CREB1: variants seen among roughly 807,000 people sequenced by gnomAD.
CREB1 encodes cyclic AMP-responsive element-binding protein 1.
A neutral mutation model predicts 42.0 loss-of-function variants in CREB1; 2 were observed. The observed-to-expected ratio is 0.05, with a 90% CI of 0.02 to 0.15. The LOEUF (loss-of-function observed/expected upper bound fraction) is 0.15. Ranked by LOEUF, CREB1 falls within the 10% of genes least tolerant of loss-of-function variation. The pLI is 1.00. For synonymous variants in CREB1, 123 were observed against 139.9 expected, an observed-to-expected ratio of 0.88 and a Z score of 0.85; for missense variants, 199 against 388.9, an observed-to-expected ratio of 0.51 and a Z score of 4.11.
At chr2:207,564,484 C>T (rs192839292) in intron 3 of CREB1, among the ~76,000 whole-genome samples, 83 of 150,796 alleles carry the variant, frequency 5.5e-4, no homozygotes, top group African/African-American at 1.6e-3. Flanking sequence ...ACTCCAGCCT[C>T]GGTGAGTGAG....
intron 7 of CREB1, chr2:207,581,245 C>T (rs144780130): frequency 1.1e-3 from 214 of 202,216 alleles, no homozygotes; most frequent in African/African-American, 4.5e-3. Flanking sequence ...TATAAATAGG[C>T]AGATTCTTAG....
rs1024329317 is a variant in CREB1, at chr2:207,603,076, A to G, written c.*6018A>G. 9.5e-6 allele frequency: 2 copies of G among 210,910 alleles called. No homozygotes were observed. Among genetic ancestry groups the G allele is most frequent in the African/African-American group, 4.5e-5 (2 of 44,126 alleles). 13.1% of individuals were successfully genotyped at this position (210,910 alleles called of 1,614,324 possible). A position where few individuals can be genotyped will look rare whatever the true frequency, so the allele number is the denominator to read the frequency against. ...ATTGATTTTTAACTCTGATGTTTCT[A>G]TTGGAGTTGAATACTAAATAAATAA... On this transcript the variant is annotated 3_prime_UTR_variant, in exon 8 of 8. Coordinates refer to ENST00000353267, the MANE Select transcript of CREB1 (RefSeq NM_004379.5).
chr2:207,604,404 G>T lies in CREB1; in HGVS notation c.*7346G>T, dbSNP rs1294441884. On this transcript the variant is annotated 3_prime_UTR_variant, in exon 8 of 8. Transcript: ENST00000353267. ...TCGTAAGTGGTGCCACTATCCATCT[G>T]TTAAATTGTTTAGGGGAAACCTAGA... Among the ~76,000 whole-genome samples, 1 of 152,142 alleles carries T rather than the reference G, an allele frequency of 6.6e-6. No individual in the cohort carries two copies. Among genetic ancestry groups the T allele is most frequent in the Non-Finnish European group, 1.5e-5 (1 of 68,038 alleles).
At chr2:207,533,257 C>T (rs1435577803) in intron 1 of CREB1, among the ~76,000 whole-genome samples, 7 of 152,084 alleles carry the variant, frequency 4.6e-5, no homozygotes, top group Non-Finnish European at 5.9e-5. Flanking sequence ...ACTTAGACAC[C>T]TGATCCATAA....
intron 1 of CREB1, among the ~76,000 whole-genome samples, chr2:207,551,407 A>G (rs898987052): frequency 3.9e-5 from 6 of 152,214 alleles, no homozygotes; most frequent in Admixed American, 6.5e-5. Flanking sequence ...CTGTTAATTA[A>G]CTGTTTAATA....
intron 7 of CREB1, among the ~76,000 whole-genome samples, chr2:207,590,083 GTTTTTTT>G (rs59126515): frequency 1.3e-5 from 1 of 76,148 alleles, no homozygotes; most frequent in African/African-American, 4.8e-5. Flanking sequence ...ATTTTGAGAA[GTTTTTTT>G]TTTTTTTTTT....
At chr2:207,577,907 A>C in intron 7 of CREB1, 1 of 454,868 alleles carries the variant, frequency 2.2e-6, no homozygotes, top group Non-Finnish European at 4.1e-6. Context: ...GATTTAATGC[A>C]CAACTTCCCT....
At position 207,599,625 on chromosome 2, in the gene CREB1, C is replaced by CTTA. The variant is rs1466798582; in HGVS notation, c.*2568_*2570dup. 6.0e-5 allele frequency: 12 copies of CTTA among 199,992 alleles called. No homozygotes were observed. Among genetic ancestry groups the CTTA allele is most frequent in the Admixed American group, 2.4e-4 (4 of 16,614 alleles). 12.4% of individuals were successfully genotyped at this position (199,992 alleles called of 1,614,324 possible). ...AAATGTATCCTGTTGCTAAATCTGT[C>CTTA]TTAGACCCTTGGTGAAACTTGAAGA... is the stretch of plus-strand genomic sequence containing the variant. On this transcript the variant is annotated 3_prime_UTR_variant, in exon 8 of 8. Coordinates refer to ENST00000353267, the MANE Select transcript of CREB1 (RefSeq NM_004379.5).
intron 7 of CREB1, chr2:207,578,040 A>G (rs1440673937): frequency 1.1e-5 from 2 of 186,390 alleles, no homozygotes; most frequent in Admixed American, 5.6e-5. Context: ...TTTTATCTAT[A>G]TTAAATTTAC....
chr2:207,574,607 T>C (rs931898348), intron 5 of CREB1, among the ~76,000 whole-genome samples: 10 of 152,226 alleles, frequency 6.6e-5, no homozygotes, highest in African/African-American at 2.2e-4. Flanking sequence ...TGGATATGTA[T>C]TAAATAATTT....
intron 4 of CREB1, among the ~76,000 whole-genome samples, chr2:207,568,759 T>A (rs946309730): frequency 2.6e-5 from 4 of 152,176 alleles, no homozygotes; most frequent in Non-Finnish European, 4.4e-5. Flanking sequence ...TGTGATTATG[T>A]TATTCATTTG....
chr2:207,548,776 A>G (rs2081391999), intron 1 of CREB1, among the ~76,000 whole-genome samples: 1 of 152,148 alleles, frequency 6.6e-6, no homozygotes, highest in Middle Eastern at 3.4e-3. Flanking sequence ...TCCCCCCCAA[A>G]AAGATTCCTT....
At chr2:207,587,254 A>G (rs1179636315) in intron 7 of CREB1, among the ~76,000 whole-genome samples, 2 of 151,972 alleles carry the variant, frequency 1.3e-5, no homozygotes, top group Non-Finnish European at 2.9e-5. Context: ...TCAGCCAGGC[A>G]TGGTGGCGGG....
At chr2:207,546,739 C>A (rs1008350624) in intron 1 of CREB1, among the ~76,000 whole-genome samples, 13 of 145,932 alleles carry the variant, frequency 8.9e-5, no homozygotes, top group Non-Finnish European at 1.4e-4. Flanking sequence ...AAAAAAAAAA[C>A]AAAAAACAAC....
At chr2:207,575,942 C>G (rs1018365504) in intron 6 of CREB1, among the ~76,000 whole-genome samples, 1 of 57,342 alleles carries the variant, frequency 1.7e-5, no homozygotes, top group African/African-American at 4.2e-5. Flanking sequence ...CTTCCCCCCC[C>G]CCCCCCAAAA....
At chr2:207,554,303 A>T (rs190585280) in intron 1 of CREB1, among the ~76,000 whole-genome samples, 8 of 152,320 alleles carry the variant, frequency 5.3e-5, no homozygotes, top group Admixed American at 4.6e-4. Flanking sequence ...TGATAGCAAG[A>T]TGTATTAGTA....
intron 5 of CREB1, among the ~76,000 whole-genome samples, chr2:207,570,837 T>C (rs2082325231): frequency 6.6e-6 from 1 of 152,156 alleles, no homozygotes; most frequent in African/African-American, 2.4e-5. Context: ...AATATACTTT[T>C]TGGCCCACAT....
intron 4 of CREB1, among the ~76,000 whole-genome samples, chr2:207,569,155 A>T (rs1353694781): frequency 1.3e-5 from 2 of 151,674 alleles, no homozygotes; most frequent in Non-Finnish European, 2.9e-5. Flanking sequence ...TGTTTCCAGT[A>T]TTTTTTTTCC....
chr2:207,545,029 G>A (rs578034982), intron 1 of CREB1, among the ~76,000 whole-genome samples: 4 of 152,188 alleles, frequency 2.6e-5, no homozygotes, highest in East Asian at 1.9e-4. Flanking sequence ...TAACATATGC[G>A]TGCATGTATT....
Sources: gnomAD v4.1 joint callset for allele counts (sites outside exome capture counted in the v4.1 genomes callset) on GRCh38, gnomAD v4.1.1 for gene constraint, MANE v1.5 for transcripts, NCBI Gene and HGNC (gene_info 2026-07-23, HGNC 2026-07-21) for gene names.